Variants in MSL2 observed in about 807,000 individuals in gnomAD.
MSL2 encodes the protein E3 ubiquitin-protein ligase MSL2.
A neutral mutation model predicts 35.8 loss-of-function variants in MSL2; 2 were observed. The ratio of observed to expected loss-of-function variants is 0.06; its 90% CI spans 0.02 to 0.18. The LOEUF is 0.18. Among genes scored for constraint, MSL2 ranks in the 10% least tolerant of loss-of-function variants. The probability of loss-of-function intolerance (pLI) is 1.00; values close to 1 mark genes in which losing one functional copy is unlikely to be tolerated. For missense variants in MSL2, 523 were observed against 706.7 expected (o/e 0.74, Z 2.95); for synonymous variants, 296 against 255.7 (o/e 1.16, Z -1.50).
intron 1 of MSL2, among the ~76,000 whole-genome samples, chr3:136,162,210 A>G (rs956154474): frequency 6.6e-6 from 1 of 151,096 alleles, no homozygotes; most frequent in Non-Finnish European, 1.5e-5. Flanking sequence ...TGCTGGGATT[A>G]CAGGCATGAG....
rs369819303 is a variant in MSL2, at chr3:136,152,172, G to A, written c.709C>T (p.Pro237Ser). The A allele has an allele frequency of 2.5e-6, 4 of 1,614,058 alleles. No homozygotes were observed. Among genetic ancestry groups the A allele is most frequent in the Non-Finnish European group, 3.4e-6 (4 of 1,180,028 alleles). The change falls in exon 2 of 2, where the codon CCC becomes TCC. Residue 237 changes from proline (P) to serine (S), a missense_variant. Around this residue, in one of 5 missense-constraint regions of MSL2, gnomAD observed 361 missense variants for 414.6 expected, o/e 0.87. Coordinates refer to ENST00000309993, the MANE Select transcript of MSL2 (RefSeq NM_018133.4). ...TCAGTGGCTACTGTGTCACAAACGG[G>A]TGGCAGGCTGTCAGACAGATCCTCA... is the stretch of plus-strand genomic sequence containing the variant. Reference protein sequence around the residue: ...KTEDLSDSLPPVCDTVATDLC... With the variant: ...KTEDLSDSLPSVCDTVATDLC...
chr3:136,181,380 T>C (rs562371022), intron 1 of MSL2, among the ~76,000 whole-genome samples: 1 of 152,304 alleles, frequency 6.6e-6, no homozygotes, highest in East Asian at 1.9e-4. Flanking sequence ...TAAGCTGAAT[T>C]ATTAACTGGT....
At chr3:136,189,470 A>C (rs1189440436) in intron 1 of MSL2, among the ~76,000 whole-genome samples, 1 of 148,516 alleles carries the variant, frequency 6.7e-6, no homozygotes, top group Non-Finnish European at 1.5e-5. Flanking sequence ...CACACCTGTA[A>C]TCTCAGCACT....
intron 1 of MSL2, among the ~76,000 whole-genome samples, chr3:136,175,471 A>G (rs1940147707): frequency 6.6e-6 from 1 of 152,100 alleles, no homozygotes; most frequent in African/African-American, 2.4e-5. Flanking sequence ...GGATCACTCA[A>G]GCCCAGGAGT....
intron 1 of MSL2, among the ~76,000 whole-genome samples, chr3:136,157,830 A>G (rs963788041): frequency 6.6e-6 from 1 of 152,250 alleles, no homozygotes; most frequent in Non-Finnish European, 1.5e-5. Context: ...GACCTGTAAT[A>G]AAAGTTTTAA....
chr3:136,184,755 G>A (rs1167149790), intron 1 of MSL2, among the ~76,000 whole-genome samples: 1 of 138,632 alleles, frequency 7.2e-6, no homozygotes, highest in African/African-American at 2.7e-5. Flanking sequence ...AAAAAAGGGG[G>A]GGGGGGGGAC....
chr3:136,175,063 T>C (rs1276298336), intron 1 of MSL2, among the ~76,000 whole-genome samples: 2 of 152,148 alleles, frequency 1.3e-5, no homozygotes, highest in Non-Finnish European at 2.9e-5. Flanking sequence ...ATTTGAGTCA[T>C]GGCTGGGCAT....
chr3:136,184,589 C>T (rs994147643), intron 1 of MSL2, among the ~76,000 whole-genome samples: 3 of 151,870 alleles, frequency 2.0e-5, no homozygotes, highest in African/African-American at 4.8e-5. Context: ...GACGACAGAG[C>T]GAGACTCCGT....
At chr3:136,162,871 C>T (rs1939747597) in intron 1 of MSL2, among the ~76,000 whole-genome samples, 1 of 151,850 alleles carries the variant, frequency 6.6e-6, no homozygotes, top group African/African-American at 2.4e-5. Flanking sequence ...TTCTTATTTT[C>T]AGTAACCACA....
At chr3:136,165,166 G>A (rs1183542593) in intron 1 of MSL2, among the ~76,000 whole-genome samples, 4 of 141,780 alleles carry the variant, frequency 2.8e-5, no homozygotes, top group South Asian at 4.3e-4. Context: ...ATGAGCCACC[G>A]CACAAGCCCA....
chr3:136,176,709 TTC>T (rs543408601), intron 1 of MSL2, among the ~76,000 whole-genome samples: 159 of 151,862 alleles, frequency 1.0e-3, no homozygotes, highest in Non-Finnish European at 1.9e-3. Flanking sequence ...GCACACACCC[TTC>T]TCTCTCTTGC....
chr3:136,159,354 C>CTTTTT lies in MSL2; in HGVS notation c.143-6621_143-6617dup, dbSNP rs71157361. ...TTCAATGGGGAAAGGAGAGTACTTT[C>CTTTTT]TTTTTTTTTTTTTTTTTTTTTTTTT... is the stretch of plus-strand genomic sequence containing the variant. On this transcript the variant is annotated intron_variant, in intron 1 of 1. Coordinates refer to ENST00000309993, the MANE Select transcript of MSL2 (RefSeq NM_018133.4). Among the ~76,000 whole-genome samples the CTTTTT allele has an allele frequency of 1.1e-3, 75 of 70,064 alleles. 5 individuals are homozygous for CTTTTT. Among genetic ancestry groups the CTTTTT allele is most frequent in the African/African-American group, 2.9e-3 (52 of 18,014 alleles). 46.0% of individuals were successfully genotyped at this position (70,064 alleles called of 152,430 possible). A position where few individuals can be genotyped will look rare whatever the true frequency, so the allele number is the denominator to read the frequency against.
chr3:136,168,714 C>A (rs1939922224), intron 1 of MSL2, among the ~76,000 whole-genome samples: 1 of 151,944 alleles, frequency 6.6e-6, no homozygotes. Flanking sequence ...TGTAACAAAC[C>A]TGCACGTTCT....
Position 136,155,245 on chromosome 3 carries a change from T to G in MSL2, c.143-2507A>C, listed in dbSNP as rs548237171. ...AGACGCTGGATGCGGTGGCTCATGC[T>G]TGTAATCCCAGCACCTTGGGAGGCC... On this transcript the variant is annotated intron_variant, in intron 1 of 1. Transcript: ENST00000309993. Among the ~76,000 whole-genome samples the G allele has an allele frequency of 5.4e-3, 811 of 150,882 alleles. 4 individuals carry two copies. Among genetic ancestry groups the G allele is most frequent in the Non-Finnish European group, 9.2e-3 (624 of 67,830 alleles).
intron 1 of MSL2, among the ~76,000 whole-genome samples, chr3:136,193,164 T>TA (rs879407441): frequency 6.6e-6 from 1 of 152,248 alleles, no homozygotes; most frequent in Non-Finnish European, 1.5e-5. Context: ...GGGTTTTTTT[T>TA]ATCTTTAATT....
chr3:136,166,823 T>C (rs549908567), intron 1 of MSL2, among the ~76,000 whole-genome samples: 6 of 152,312 alleles, frequency 3.9e-5, no homozygotes, highest in East Asian at 1.9e-4. Flanking sequence ...TTTAAATACA[T>C]AGTTGATCCC....
chr3:136,171,308 G>A (rs1461238733), intron 1 of MSL2, among the ~76,000 whole-genome samples: 1 of 152,104 alleles, frequency 6.6e-6, no homozygotes, highest in East Asian at 1.9e-4. Flanking sequence ...AAGGAAGGAA[G>A]TGGCTGGGAT....
At chr3:136,161,394 T>G (rs1025331199) in intron 1 of MSL2, among the ~76,000 whole-genome samples, 1 of 152,070 alleles carries the variant, frequency 6.6e-6, no homozygotes, top group African/African-American at 2.4e-5. Context: ...TAAAAACATA[T>G]CCACACAGAA....
chr3:136,181,865 G>T (rs1459364016), intron 1 of MSL2, among the ~76,000 whole-genome samples: 2 of 151,914 alleles, frequency 1.3e-5, no homozygotes, highest in Non-Finnish European at 2.9e-5. Context: ...GTTGCAGTGA[G>T]CCAACACAGT....
Sources: gnomAD v4.1 joint callset for allele counts (sites outside exome capture counted in the v4.1 genomes callset) on GRCh38, gnomAD v4.1.1 for gene constraint, gnomAD v4.1.1 regional missense constraint, MANE v1.5 for transcripts, NCBI Gene and HGNC (gene_info 2026-07-23, HGNC 2026-07-21) for gene names.